BMP6: variants seen among roughly 807,000 people sequenced by gnomAD.
The protein encoded by BMP6 is bone morphogenetic protein 6, also known as VG-1-R.
A neutral mutation model predicts 54.1 loss-of-function variants in BMP6; 17 were observed. The ratio of observed to expected loss-of-function variants is 0.31; its 90% CI spans 0.22 to 0.47. BMP6 has a LOEUF of 0.47. Ranked by LOEUF, BMP6 falls within the 20% of genes least tolerant of loss-of-function variation. The pLI, the probability that BMP6 is intolerant of heterozygous loss-of-function variation, is 1.00. For missense variants in BMP6, 720 were observed against 690.4 expected (o/e 1.04, Z -0.48); for synonymous variants, 328 against 291.2 (o/e 1.13, Z -1.28).
chr6:7,868,459 C>T (rs1056951483), intron 4 of BMP6, among the ~76,000 whole-genome samples: 4 of 152,124 alleles, frequency 2.6e-5, no homozygotes, highest in Non-Finnish European at 4.4e-5. Flanking sequence ...TTCTGCTGGG[C>T]GAGTGGGAGC....
intron 1 of BMP6, among the ~76,000 whole-genome samples, chr6:7,737,767 C>T (rs1761976549): frequency 6.6e-6 from 1 of 152,102 alleles, no homozygotes; most frequent in South Asian, 2.1e-4. Flanking sequence ...AGATTATACA[C>T]GTCCATGGAG....
chr6:7,870,243 G>A (rs770859313), intron 4 of BMP6, among the ~76,000 whole-genome samples: 5 of 152,190 alleles, frequency 3.3e-5, no homozygotes, highest in Non-Finnish European at 4.4e-5. Context: ...TTTATTCCGA[G>A]GTGAATTCTG....
At chr6:7,842,785 T>A (rs1368341627) in intron 1 of BMP6, among the ~76,000 whole-genome samples, 2 of 152,264 alleles carry the variant, frequency 1.3e-5, no homozygotes, top group Non-Finnish European at 2.9e-5. Flanking sequence ...GTTTCTCTGC[T>A]CCTTATAACT....
intron 1 of BMP6, among the ~76,000 whole-genome samples, chr6:7,767,112 G>A (rs1403946234): frequency 6.6e-6 from 1 of 151,170 alleles, no homozygotes; most frequent in Non-Finnish European, 1.5e-5. Flanking sequence ...TCAGCTCTCC[G>A]AGTAGCTGGG....
intron 1 of BMP6, among the ~76,000 whole-genome samples, chr6:7,774,432 C>T (rs553119463): frequency 6.6e-6 from 1 of 152,302 alleles, no homozygotes; most frequent in South Asian, 2.1e-4. Context: ...CACCTGTAAT[C>T]CCAGCTACTC....
At chr6:7,866,586 T>C (rs1759428463) in intron 4 of BMP6, among the ~76,000 whole-genome samples, 2 of 152,264 alleles carry the variant, frequency 1.3e-5, no homozygotes, top group South Asian at 4.1e-4. Context: ...AGACCTCTTT[T>C]GAGAGGGTGT....
chr6:7,738,522 C>A (rs1761995861), intron 1 of BMP6, among the ~76,000 whole-genome samples: 1 of 152,140 alleles, frequency 6.6e-6, no homozygotes, highest in Non-Finnish European at 1.5e-5. Flanking sequence ...GGCCGTGTAG[C>A]CCTCCCGCTT....
intron 2 of BMP6, among the ~76,000 whole-genome samples, chr6:7,846,406 A>G (rs1759064198): frequency 6.6e-6 from 1 of 152,196 alleles, no homozygotes; most frequent in South Asian, 2.1e-4. Context: ...TCACAAATAC[A>G]CACACCTGAA....
intron 1 of BMP6, among the ~76,000 whole-genome samples, chr6:7,822,513 A>G (rs556875608): frequency 2.1e-4 from 32 of 152,262 alleles, no homozygotes; most frequent in African/African-American, 7.0e-4. Context: ...GATTGCAGCC[A>G]GCAGTGGTGC....
chr6:7,776,907 A>G (rs1757869645), intron 1 of BMP6, among the ~76,000 whole-genome samples: 2 of 152,232 alleles, frequency 1.3e-5, no homozygotes, highest in South Asian at 2.1e-4. Flanking sequence ...AAGAAGACAT[A>G]TAGTAGGGTG....
intron 1 of BMP6, among the ~76,000 whole-genome samples, chr6:7,740,145 C>T (rs180792336): frequency 2.6e-4 from 39 of 152,190 alleles, no homozygotes; most frequent in African/African-American, 9.1e-4. Context: ...GGGCAGGTAC[C>T]AGGCTCCCAG....
chr6:7,820,760 T>C (rs960549301), intron 1 of BMP6, among the ~76,000 whole-genome samples: 5 of 152,164 alleles, frequency 3.3e-5, no homozygotes, highest in African/African-American at 1.2e-4. Flanking sequence ...CCCAACCTTT[T>C]TGACACCAGG....
intron 1 of BMP6, among the ~76,000 whole-genome samples, chr6:7,811,629 T>C (rs548899915): frequency 1.3e-5 from 2 of 152,318 alleles, no homozygotes; most frequent in Non-Finnish European, 2.9e-5. Flanking sequence ...AGGGTAGTGT[T>C]CTTTTCTGCT....
chr6:7,802,430 G>C (rs1033871931), intron 1 of BMP6, among the ~76,000 whole-genome samples: 10 of 152,332 alleles, frequency 6.6e-5, no homozygotes, highest in South Asian at 4.1e-4. Context: ...AGAGACCAAT[G>C]ATGGGCCCAA....
chr6:7,823,766 C>T lies in BMP6; in HGVS notation c.665-21374C>T, dbSNP rs184215183. 4.0e-3 allele frequency among the ~76,000 whole-genome samples: 605 copies of T among 152,262 alleles called. 7 individuals are homozygous for T. The highest frequency in any genetic ancestry group is 0.014 in the African/African-American group (567 of 41,542). On this transcript the variant is annotated intron_variant, in intron 1 of 6. Coordinates refer to ENST00000283147, the MANE Select transcript of BMP6 (RefSeq NM_001718.6). ...CAAAGGTCCTGTGGCAGGAGACTGG[C>T]TGGGGCCTTCAGCGTTTCCCTGCTG...
chr6:7,862,822 C>T (rs1202319258), intron 4 of BMP6, among the ~76,000 whole-genome samples: 3 of 152,092 alleles, frequency 2.0e-5, no homozygotes, highest in Non-Finnish European at 4.4e-5. Flanking sequence ...CACCTAGATT[C>T]TTTTTTCTAG....
intron 4 of BMP6, among the ~76,000 whole-genome samples, chr6:7,874,092 G>GC (rs1173061457): frequency 2.0e-5 from 3 of 152,188 alleles, no homozygotes; most frequent in Non-Finnish European, 4.4e-5. Context: ...AGACTCCCCT[G>GC]CTGCACCCAG....
intron 1 of BMP6, among the ~76,000 whole-genome samples, chr6:7,835,389 G>C (rs1019490397): frequency 1.3e-5 from 2 of 152,182 alleles, no homozygotes; most frequent in Non-Finnish European, 2.9e-5. Flanking sequence ...GTGAGCCACC[G>C]TGCCCGGCCA....
chr6:7,808,206 C>T (rs1231553980), intron 1 of BMP6, among the ~76,000 whole-genome samples: 1 of 152,104 alleles, frequency 6.6e-6, no homozygotes, highest in Non-Finnish European at 1.5e-5. Flanking sequence ...AGGCGTGAGC[C>T]ACCGCGCCCG....
Sources: gnomAD v4.1 joint callset for allele counts (sites outside exome capture counted in the v4.1 genomes callset) on GRCh38, gnomAD v4.1.1 for gene constraint, MANE v1.5 for transcripts, NCBI Gene and HGNC (gene_info 2026-07-23, HGNC 2026-07-21) for gene names.